The following ZNF568 variants were observed in gnomAD, a reference collection of about 807,000 sequenced individuals.
ZNF568 encodes p53 inhibitor of SCO2 activation.
In ZNF568, 11 loss-of-function variants were observed where a neutral mutation model predicts 18.1. The observed-to-expected ratio is 0.61, with a 90% CI of 0.38 to 1.00. The LOEUF (loss-of-function observed/expected upper bound fraction) is 1.00. ZNF568 is among the 50% of genes least tolerant of loss of function. ZNF568 has a pLI of 0.01. For missense variants in ZNF568, 639 were observed against 768.2 expected (o/e 0.83, Z 1.99); for synonymous variants, 213 against 246.6 (o/e 0.86, Z 1.28).
intron 2 of ZNF568, among the ~76,000 whole-genome samples, chr19:36,918,974 T>A (rs1222549259): frequency 6.6e-6 from 1 of 152,236 alleles, no homozygotes; most frequent in Non-Finnish European, 1.5e-5. Context: ...CCTCCTTTTT[T>A]AAGGCCGAAT....
chr19:36,926,733 A>G (rs1451859353), intron 4 of ZNF568, among the ~76,000 whole-genome samples: 1 of 152,210 alleles, frequency 6.6e-6, no homozygotes, highest in African/African-American at 2.4e-5. Context: ...AGTTCTTACT[A>G]TGTGCCAGAT....
At chr19:36,946,632 GT>G (rs915112331) in intron 6 of ZNF568, among the ~76,000 whole-genome samples, 49 of 115,934 alleles carry the variant, frequency 4.2e-4, no homozygotes, top group Admixed American at 6.7e-4. Flanking sequence ...AAATTTTTTA[GT>G]TTTTTTTTTT....
rs763939176 is a variant in ZNF568, at chr19:36,925,262, C to A, written c.135+4C>A. The stretch of plus-strand genomic sequence containing the variant: ...AGAGGATACAACCAGGCCTCTTGTA[C>A]GTCTTAAGCATTTATTTGTTTCCTG... On this transcript the variant is annotated splice_donor_region_variant and intron_variant, in intron 4 of 6. Coordinates refer to ENST00000333987, the MANE Select transcript of ZNF568 (RefSeq NM_198539.4). 1.2e-6 allele frequency: 2 copies of A among 1,613,250 alleles called. No homozygotes were observed. The highest frequency in any genetic ancestry group is 1.7e-6 in the Non-Finnish European group (2 of 1,179,412).
At chr19:36,927,911 T>A (rs1262270879) in intron 4 of ZNF568, among the ~76,000 whole-genome samples, 34 of 47,672 alleles carry the variant, frequency 7.1e-4, no homozygotes, top group South Asian at 2.0e-3. Flanking sequence ...ATATTTTTTT[T>A]TTTTTTTTTT....
intron 4 of ZNF568, among the ~76,000 whole-genome samples, chr19:36,933,348 T>C (rs989701063): frequency 3.9e-5 from 6 of 152,148 alleles, no homozygotes; most frequent in Admixed American, 6.5e-5. Context: ...GTAGTTGCCC[T>C]ATATCATGTT....
chr19:36,994,895 C>T (rs559815794), intron 4 of ZNF568, among the ~76,000 whole-genome samples: 4 of 152,206 alleles, frequency 2.6e-5, no homozygotes, highest in Non-Finnish European at 4.4e-5. Context: ...CGAGATCTGC[C>T]GGCCTCAGCC....
At chr19:36,921,331 C>T (rs1276485392) in intron 2 of ZNF568, among the ~76,000 whole-genome samples, 1 of 151,974 alleles carries the variant, frequency 6.6e-6, no homozygotes, top group Non-Finnish European at 1.5e-5. Context: ...CGTGGTGGCG[C>T]ATGCCTGTAA....
chr19:36,930,355 GCTCGCC>G (rs2073665439), intron 4 of ZNF568, among the ~76,000 whole-genome samples: 1 of 151,766 alleles, frequency 6.6e-6, no homozygotes, highest in Non-Finnish European at 1.5e-5. Context: ...GACTACAGAC[GCTCGCC>G]ACCACACCCG....
chr19:36,939,291 A>G (rs942272172), intron 6 of ZNF568, among the ~76,000 whole-genome samples: 2 of 152,042 alleles, frequency 1.3e-5, no homozygotes, highest in African/African-American at 4.8e-5. Context: ...GATGAAGTCC[A>G]TTCTGTACCT....
exon 5 of ZNF568, chr19:36,997,188 A>T: frequency 6.2e-7 from 1 of 1,601,120 alleles, no homozygotes; most frequent in Non-Finnish European, 8.5e-7. Flanking sequence ...TACATCAAAG[A>T]ATTCATACTG....
intron 6 of ZNF568, among the ~76,000 whole-genome samples, chr19:36,966,517 C>G (rs1048861192): frequency 5.3e-5 from 8 of 152,084 alleles, no homozygotes; most frequent in African/African-American, 1.9e-4. Context: ...AACTTAGTAC[C>G]CAAAGGGTTA....
intron 4 of ZNF568, among the ~76,000 whole-genome samples, chr19:36,994,015 CTG>C (rs1343314130): frequency 6.9e-6 from 1 of 145,106 alleles, no homozygotes; most frequent in Non-Finnish European, 1.5e-5. Context: ...TGAGATATCT[CTG>C]TTTTTTTTTC....
chr19:36,964,929 G>A (rs565721), intron 6 of ZNF568, among the ~76,000 whole-genome samples: 54,609 of 151,942 alleles, frequency 0.36, 10,089 homozygotes, highest in African/African-American at 0.41. Flanking sequence ...AGGTGGAAGA[G>A]CATCACCTCT....
At chr19:36,949,465 AGTG>A (rs2074020351) in intron 6 of ZNF568, 44 bp from the exon 7 acceptor site, 21 of 1,511,546 alleles carry the variant, frequency 1.4e-5, no homozygotes, top group Non-Finnish European at 1.8e-5. Flanking sequence ...TTAATAGTCT[AGTG>A]GTAGAATAAT....
At chr19:36,932,972 G>T (rs188968744) in intron 4 of ZNF568, among the ~76,000 whole-genome samples, 2 of 152,072 alleles carry the variant, frequency 1.3e-5, no homozygotes, top group African/African-American at 4.8e-5. Flanking sequence ...CTATCCTCTG[G>T]GTTGTCTTTT....
intron 6 of ZNF568, among the ~76,000 whole-genome samples, chr19:36,960,551 T>C (rs1195007801): frequency 2.0e-5 from 3 of 151,938 alleles, no homozygotes; most frequent in Admixed American, 6.6e-5. Context: ...TGGCCTGGCA[T>C]GGTGGCTCAC....
chr19:36,997,492 A>G, downstream of ZNF568: 1 of 1,587,820 alleles, frequency 6.3e-7, no homozygotes, highest in Non-Finnish European at 8.5e-7. Flanking sequence ...GAAGGCTTTC[A>G]TTCGAAGGTC....
intron 7 of ZNF568, among the ~76,000 whole-genome samples, chr19:36,977,457 C>G (rs1310820745): frequency 1.3e-5 from 2 of 152,138 alleles, no homozygotes; most frequent in African/African-American, 4.8e-5. Flanking sequence ...CTGGATGTAG[C>G]ACTTACTTCA....
chr19:36,947,790 A>T (rs887688920), intron 6 of ZNF568, among the ~76,000 whole-genome samples: 6 of 152,136 alleles, frequency 3.9e-5, no homozygotes, highest in African/African-American at 1.4e-4. Context: ...CTGGTTTTTT[A>T]AATTAATAAA....
Sources: allele counts gnomAD v4.1 joint callset (sites outside exome capture counted in the v4.1 genomes callset), GRCh38; gene constraint gnomAD v4.1.1; transcripts MANE v1.5; gene names NCBI Gene and HGNC (gene_info 2026-07-23, HGNC 2026-07-21).